LUZP2: variants seen among roughly 807,000 people sequenced by gnomAD.
LUZP2 encodes leucine zipper protein 2.
LUZP2 carries 52 observed loss-of-function variants against 51.6 expected under a neutral mutation model. That is an observed-to-expected ratio of 1.01 (90% CI 0.81 to 1.27). The LOEUF (loss-of-function observed/expected upper bound fraction) is 1.27, where lower values mean the gene tolerates loss of function less well. Ranked by LOEUF, LUZP2 falls within the 50% of genes most tolerant of loss-of-function variation. The pLI, the probability that LUZP2 is intolerant of heterozygous loss-of-function variation, is 0.00. For missense variants in LUZP2, 436 were observed against 395.4 expected, an observed-to-expected ratio of 1.10 and a Z score of -0.87; for synonymous variants, 154 against 137.3, an observed-to-expected ratio of 1.12 and a Z score of -0.85.
In LUZP2 at chr11:24,942,150, A is replaced by G. The variant is rs1026316273; in HGVS notation, c.522+27612A>G. On this transcript the variant is annotated intron_variant, in intron 7 of 11. Coordinates refer to ENST00000336930, the MANE Select transcript of LUZP2 (RefSeq NM_001009909.4). ...ATTTTCTTGCTTTAGGTTTGGGACTATTATAAATACTGCTGCTATGAGGTC... is the reference window on the plus strand; with the variant it reads ...ATTTTCTTGCTTTAGGTTTGGGACTGTTATAAATACTGCTGCTATGAGGTC... Among the ~76,000 whole-genome samples, 3 of 152,296 alleles carry G rather than the reference A, an allele frequency of 2.0e-5. No individual in the cohort carries two copies. The East Asian group carries it at 5.8e-4, about 29-fold the overall frequency.
rs555502500 is a variant in LUZP2 at position 24,654,394 on chromosome 11, TC to T, written c.63-74774del. On this transcript the variant is annotated intron_variant, in intron 1 of 11. Coordinates refer to ENST00000336930, the MANE Select transcript of LUZP2 (RefSeq NM_001009909.4). ...TTAACTTATTAAACAAATTTTTTTT[TC>T]TTTTTTCTTTTGTTTTGTTTGTTTG... 7.5e-4 allele frequency among the ~76,000 whole-genome samples: 114 copies of T among 152,170 alleles called. 1 individual carries two copies. Among genetic ancestry groups the T allele is most frequent in the Non-Finnish European group, 1.6e-3 (106 of 68,028 alleles).
chr11:24,982,039 G>T (rs1329450348), intron 8 of LUZP2, among the ~76,000 whole-genome samples: 1 of 151,832 alleles, frequency 6.6e-6, no homozygotes, highest in South Asian at 2.1e-4. Context: ...TTAGAGAAAC[G>T]CGAATCAAAA....
At chr11:24,878,381 C>T (rs1852345087) in intron 5 of LUZP2, among the ~76,000 whole-genome samples, 1 of 152,062 alleles carries the variant, frequency 6.6e-6, no homozygotes, top group African/African-American at 2.4e-5. Flanking sequence ...CTCTCCTATC[C>T]TGTAAGGTTT....
chr11:24,847,344 A>G (rs1376022815), intron 5 of LUZP2, among the ~76,000 whole-genome samples: 1 of 152,042 alleles, frequency 6.6e-6, no homozygotes, highest in Non-Finnish European at 1.5e-5. Context: ...TTTCTTCGGT[A>G]CTGAGTGATT....
At chr11:24,910,846 G>A (rs1590718965) in intron 6 of LUZP2, among the ~76,000 whole-genome samples, 1 of 152,246 alleles carries the variant, frequency 6.6e-6, no homozygotes, top group African/African-American at 2.4e-5. Flanking sequence ...CTCCAGAATG[G>A]TAGATCCACC....
chr11:24,789,529 A>G (rs1003860419), intron 5 of LUZP2, among the ~76,000 whole-genome samples: 1 of 152,344 alleles, frequency 6.6e-6, no homozygotes, highest in South Asian at 2.1e-4. Flanking sequence ...TGATTAAATC[A>G]TACAAAGTAA....
intron 5 of LUZP2, among the ~76,000 whole-genome samples, chr11:24,767,383 C>T (rs7934614): frequency 0.08 from 12,229 of 152,158 alleles, 1,067 homozygotes; most frequent in African/African-American, 0.22. Context: ...CTGTTCTGAA[C>T]TAGAAGTTGT....
intron 5 of LUZP2, among the ~76,000 whole-genome samples, chr11:24,901,374 G>C (rs1279046536): frequency 6.8e-6 from 1 of 148,022 alleles, no homozygotes; most frequent in East Asian, 2.0e-4. Flanking sequence ...AACTAAAAGT[G>C]AACTTTGACC....
chr11:24,661,507 G>A (rs1856021241), intron 1 of LUZP2, among the ~76,000 whole-genome samples: 2 of 152,180 alleles, frequency 1.3e-5, no homozygotes, highest in African/African-American at 2.4e-5. Flanking sequence ...CACTTGCACA[G>A]CTGGGGCTGC....
At chr11:24,933,359 A>G (rs1590747975) in intron 7 of LUZP2, among the ~76,000 whole-genome samples, 1 of 152,172 alleles carries the variant, frequency 6.6e-6, no homozygotes, top group Admixed American at 6.5e-5. Flanking sequence ...TTTTCGCTGG[A>G]ATCTCAAAGT....
At chr11:24,580,967 T>C (rs1447653133) in intron 1 of LUZP2, among the ~76,000 whole-genome samples, 2 of 152,092 alleles carry the variant, frequency 1.3e-5, no homozygotes, top group African/African-American at 2.4e-5. Flanking sequence ...TATTTTGTTA[T>C]AATGATTTGG....
At chr11:24,884,655 A>G (rs1188045259) in intron 5 of LUZP2, among the ~76,000 whole-genome samples, 3 of 152,020 alleles carry the variant, frequency 2.0e-5, no homozygotes, top group African/African-American at 7.2e-5. Context: ...ATCCTGTAGA[A>G]CTACAAGAAC....
chr11:24,682,616 G>A (rs866116348), intron 1 of LUZP2, among the ~76,000 whole-genome samples: 3 of 144,032 alleles, frequency 2.1e-5, no homozygotes, highest in Non-Finnish European at 3.0e-5. Flanking sequence ...ATGTGTATGT[G>A]TATATATATA....
At chr11:25,044,010 C>CTA (rs1189535379) in intron 9 of LUZP2, among the ~76,000 whole-genome samples, 8 of 109,286 alleles carry the variant, frequency 7.3e-5, no homozygotes, top group African/African-American at 2.0e-4. Flanking sequence ...GATATATAGT[C>CTA]TATATATATC....
chr11:24,898,804 T>TG (rs1853173325), intron 5 of LUZP2, among the ~76,000 whole-genome samples: 1 of 152,172 alleles, frequency 6.6e-6, no homozygotes, highest in African/African-American at 2.4e-5. Flanking sequence ...CAAAAACCCT[T>TG]GTGAGGTACC....
At chr11:24,506,082 T>G (rs1328001708) in intron 1 of LUZP2, among the ~76,000 whole-genome samples, 1 of 152,058 alleles carries the variant, frequency 6.6e-6, no homozygotes, top group Non-Finnish European at 1.5e-5. Context: ...CCTGGACTTC[T>G]AAAATTAAGT....
chr11:25,013,543 A>G (rs994133080), intron 9 of LUZP2, among the ~76,000 whole-genome samples: 11 of 152,152 alleles, frequency 7.2e-5, no homozygotes, highest in African/African-American at 2.7e-4. Flanking sequence ...GCGTGAAGAT[A>G]TATTTAATAT....
chr11:25,024,177 C>G (rs1416142731), intron 9 of LUZP2, among the ~76,000 whole-genome samples: 2 of 152,042 alleles, frequency 1.3e-5, no homozygotes, highest in East Asian at 3.9e-4. Flanking sequence ...GAGTTCAATT[C>G]CTGGATATCC....
chr11:24,676,086 TATG>T (rs1327105204), intron 1 of LUZP2, among the ~76,000 whole-genome samples: 1 of 152,140 alleles, frequency 6.6e-6, no homozygotes, highest in Non-Finnish European at 1.5e-5. Flanking sequence ...CCCAAAGTGC[TATG>T]ATTACAGGAG....
Sources: allele counts gnomAD v4.1 joint callset (sites outside exome capture counted in the v4.1 genomes callset), GRCh38; gene constraint gnomAD v4.1.1; transcripts MANE v1.5; gene names NCBI Gene and HGNC (gene_info 2026-07-23, HGNC 2026-07-21).